The following SLC12A3 variants were observed in gnomAD, a reference collection of about 807,000 sequenced individuals.
SLC12A3 encodes the protein solute carrier family 12 member 3.
In SLC12A3, 104 loss-of-function variants were observed where a neutral mutation model predicts 121.0. The observed-to-expected ratio is 0.86, with a 90% confidence interval of 0.73 to 1.01. The LOEUF is 1.01. Among genes scored for constraint, SLC12A3 ranks in the 50% least tolerant of loss-of-function variants. The pLI is 0.00. For synonymous variants in SLC12A3, 536 were observed against 533.4 expected (o/e 1.00, Z -0.07); for missense variants, 1,328 against 1,356.3 (o/e 0.98, Z 0.33).
chr16:56,878,049 T>TCCCCCCCCC, intron 8 of SLC12A3, 28 bp from the exon 9 acceptor site: 4 of 288,260 alleles, frequency 1.4e-5, no homozygotes, highest in South Asian at 2.4e-5. Context: ...CCTCCCTCCC[T>TCCCCCCCCC]CCCTCCCTCT....
chr16:56,912,118 C>A (rs973318182), intron 25 of SLC12A3, among the ~76,000 whole-genome samples: 6 of 152,208 alleles, frequency 3.9e-5, no homozygotes, highest in Admixed American at 6.5e-5. Context: ...TGCTGCGGGC[C>A]CTGCCCATTC....
intron 23 of SLC12A3, 176 bp from the exon 24 acceptor site, chr16:56,902,197 A>T: frequency 2.6e-6 from 2 of 757,830 alleles, no homozygotes; most frequent in South Asian, 3.3e-5. Flanking sequence ...TGGATGCCAG[A>T]CCCAGCCAGC....
Position 56,913,593 on chromosome 16 carries a change from C to T in SLC12A3, c.*188C>T, listed in dbSNP as rs1447243269. The T allele has an allele frequency of 3.0e-6, 2 of 677,002 alleles. No homozygotes were observed. The highest frequency in any genetic ancestry group is 2.1e-5 in the Admixed American group (1 of 47,320). The allele number at this position is 677,002 out of a possible 1,614,324, so 41.9% of individuals were successfully genotyped here. A position where few individuals can be genotyped will look rare whatever the true frequency, so the allele number is the denominator to read the frequency against. On this transcript the variant is annotated 3_prime_UTR_variant, in exon 26 of 26. Coordinates refer to ENST00000563236, the MANE Select transcript of SLC12A3 (RefSeq NM_001126108.2). ...ACTCCACTTCCATGGGACACATTCC[C>T]TGGGTCTTGTGTTTATAGGCTAGAG... is the stretch of plus-strand genomic sequence containing the variant.
chr16:56,897,970 G>A (rs1244584861), intron 22 of SLC12A3, among the ~76,000 whole-genome samples: 1 of 152,164 alleles, frequency 6.6e-6, no homozygotes, highest in Non-Finnish European at 1.5e-5. Flanking sequence ...CTGGGTCCCA[G>A]CCTGGTCCTC....
At chr16:56,912,320 C>T (rs1338021622) in intron 25 of SLC12A3, among the ~76,000 whole-genome samples, 3 of 152,254 alleles carry the variant, frequency 2.0e-5, no homozygotes, top group Admixed American at 6.5e-5. Flanking sequence ...GTAGAAAAGT[C>T]ACTTCCTGAA....
At position 56,904,293 on chromosome 16, in the gene SLC12A3, A is replaced by G. The variant is rs1390137314; in HGVS notation, c.2857-102A>G. 8.2e-6 allele frequency: 9 copies of G among 1,093,880 alleles called. No individual in the cohort carries two copies. In the Admixed American group the frequency reaches 1.4e-4, roughly 17 times the overall value. The allele number at this position is 1,093,880 out of a possible 1,614,324, so 67.8% of individuals were successfully genotyped here. On this transcript the variant is annotated intron_variant, in intron 24 of 25. Coordinates refer to ENST00000563236, the MANE Select transcript of SLC12A3 (RefSeq NM_001126108.2). ...ATGAGGCAGCAGAGTCTACAAGTAA[A>G]TCATGAATCCAGTTGAAAATGTTAA...
chr16:56,887,238 G>C, intron 17 of SLC12A3, 145 bp downstream of exon 17: 2 of 947,346 alleles, frequency 2.1e-6, no homozygotes, highest in South Asian at 3.1e-5. Flanking sequence ...TGTTTTACTT[G>C]TCACCCAGGC....
intron 19 of SLC12A3, among the ~76,000 whole-genome samples, chr16:56,891,772 G>C (rs2055391265): frequency 6.6e-6 from 1 of 152,250 alleles, no homozygotes; most frequent in Non-Finnish European, 1.5e-5. Flanking sequence ...CCCTCAGGAG[G>C]GGGCCTTTTG....
At chr16:56,899,703 G>T in intron 23 of SLC12A3, 87 bp downstream of exon 23, 1 of 942,852 alleles carries the variant, frequency 1.1e-6, no homozygotes, top group South Asian at 1.3e-5. Context: ...TTCCTTGGTA[G>T]ACTAGGAGCA....
At chr16:56,873,704 TTTTA>T (rs1356055127) in intron 8 of SLC12A3, among the ~76,000 whole-genome samples, 4 of 113,870 alleles carry the variant, frequency 3.5e-5, no homozygotes, top group East Asian at 7.1e-4. Context: ...ATTTATTTTA[TTTTA>T]TTTTTTTTTT....
chr16:56,867,911 G>T (rs1467461564), intron 2 of SLC12A3, among the ~76,000 whole-genome samples: 1 of 152,222 alleles, frequency 6.6e-6, no homozygotes. Flanking sequence ...CTTACATGGG[G>T]CGCTGGCTCA....
intron 1 of SLC12A3, among the ~76,000 whole-genome samples, chr16:56,866,614 G>C (rs1217866486): frequency 6.6e-6 from 1 of 152,084 alleles, no homozygotes; most frequent in Non-Finnish European, 1.5e-5. Flanking sequence ...GCTCTCCTAG[G>C]GGGAGGAGGT....
chr16:56,879,992 T>C, intron 11 of SLC12A3, 138 bp from the exon 12 acceptor site: 2 of 1,059,546 alleles, frequency 1.9e-6, no homozygotes, highest in Non-Finnish European at 2.8e-6. Context: ...AGCATCCCTG[T>C]TTAATAGAAA....
intron 25 of SLC12A3, among the ~76,000 whole-genome samples, chr16:56,912,792 C>T (rs1403369459): frequency 1.3e-5 from 2 of 151,990 alleles, no homozygotes; most frequent in South Asian, 4.2e-4. Flanking sequence ...GAGGAAGAGG[C>T]GTGGGCGGCC....
At chr16:56,874,637 T>C (rs534191219) in intron 8 of SLC12A3, among the ~76,000 whole-genome samples, 6 of 152,228 alleles carry the variant, frequency 3.9e-5, no homozygotes, top group African/African-American at 1.4e-4. Flanking sequence ...TGTTTTAGTC[T>C]CCACTAAAAA....
At chr16:56,872,510 T>G in intron 7 of SLC12A3, 48 bp downstream of exon 7, 1 of 1,591,336 alleles carries the variant, frequency 6.3e-7, no homozygotes, top group Non-Finnish European at 8.6e-7. Flanking sequence ...ACAGGGACTC[T>G]CTACCCAGGA....
intron 2 of SLC12A3, 88 bp from the exon 3 acceptor site, chr16:56,868,209 C>T (rs1964403584): frequency 4.7e-6 from 6 of 1,288,316 alleles, no homozygotes; most frequent in East Asian, 4.9e-5. Flanking sequence ...CCTAGGTGCT[C>T]GATACCCTGC....
chr16:56,893,162 G>A (rs2144744557), intron 21 of SLC12A3, 108 bp downstream of exon 21: 2 of 913,948 alleles, frequency 2.2e-6, no homozygotes, highest in Non-Finnish European at 3.5e-6. Context: ...GGGGCTCCTG[G>A]GCCCAGCAGT....
At chr16:56,900,358 G>A (rs1434784521) in intron 23 of SLC12A3, among the ~76,000 whole-genome samples, 1 of 152,146 alleles carries the variant, frequency 6.6e-6, no homozygotes, top group Non-Finnish European at 1.5e-5. Flanking sequence ...TTGCAATGCT[G>A]CAGAGACAGA....
Sources: gnomAD v4.1 joint callset for allele counts (sites outside exome capture counted in the v4.1 genomes callset) on GRCh38, gnomAD v4.1.1 for gene constraint, MANE v1.5 for transcripts, NCBI Gene and HGNC (gene_info 2026-07-23, HGNC 2026-07-21) for gene names.